Variants in CCHCR1 observed in about 807,000 individuals in gnomAD.
The protein encoded by CCHCR1 is coiled-coil alpha-helical rod protein 1.
A neutral mutation model predicts 114.6 loss-of-function variants in CCHCR1; 91 were observed. The ratio of observed to expected loss-of-function variants is 0.79; its 90% CI spans 0.67 to 0.94. The LOEUF is 0.94. Among genes scored for constraint, CCHCR1 ranks in the 40% least tolerant of loss-of-function variants. The probability of loss-of-function intolerance (pLI) is 0.00; values close to 1 mark genes in which losing one functional copy is unlikely to be tolerated. For synonymous variants in CCHCR1, 379 were observed against 428.5 expected, an observed-to-expected ratio of 0.88 and a Z score of 1.43; for missense variants, 899 against 1,079.9, an observed-to-expected ratio of 0.83 and a Z score of 2.35.
At position 31,157,692 on chromosome 6, in the gene CCHCR1, T is replaced by C. The variant is rs1776281202; in HGVS notation, c.-92A>G. The C allele has an allele frequency of 1.0e-6, 1 of 996,650 alleles. No individual in the cohort carries two copies. Among genetic ancestry groups the C allele is most frequent in the African/African-American group, 1.6e-5 (1 of 61,930 alleles). The allele number at this position is 996,650 out of a possible 1,614,324, so 61.7% of individuals were successfully genotyped here. A position where few individuals can be genotyped will look rare whatever the true frequency, so the allele number is the denominator to read the frequency against. Reference sequence around the variant, plus strand: ...GCGTCCTGACATCTTATTCAAATCTTTCCTGCGGCTGTTCTCTCAGCTTCT... The same window carrying C: ...GCGTCCTGACATCTTATTCAAATCTCTCCTGCGGCTGTTCTCTCAGCTTCT... On this transcript the variant is annotated 5_prime_UTR_variant, in exon 1 of 18. Transcript: ENST00000396268.
In CCHCR1 at chr6:31,144,566, C is replaced by T; in HGVS notation, c.2167+121G>A. On this transcript the variant is annotated intron_variant, in intron 15 of 17. Coordinates refer to ENST00000396268, the MANE Select transcript of CCHCR1 (RefSeq NM_001105564.2). The surrounding 1 kb of genome is among the most constrained non-coding windows in gnomAD (Gnocchi z 4.6). ...ATGTGATAATTCATCTGTGCTACTC[C>T]TGGATACCTTCATTACTTCCTGTAA... 2.9e-6 allele frequency: 2 copies of T among 689,976 alleles called. No individual in the cohort carries two copies. Among genetic ancestry groups the T allele is most frequent in the Non-Finnish European group, 5.1e-6 (2 of 392,866 alleles). The allele number at this position is 689,976 out of a possible 1,614,324, so 42.7% of individuals were successfully genotyped here.
In CCHCR1 at chr6:31,151,588, C is replaced by T. The variant is rs60365402; in HGVS notation, c.802-466G>A. Among the ~76,000 whole-genome samples, 4,331 of 152,290 alleles carry T rather than the reference C, an allele frequency of 0.028. 134 individuals carry two copies. Among genetic ancestry groups the T allele is most frequent in the East Asian group, 0.089 (458 of 5,172 alleles). On this transcript the variant is annotated intron_variant, in intron 4 of 17. Coordinates refer to ENST00000396268, the MANE Select transcript of CCHCR1 (RefSeq NM_001105564.2). This position sits in a 1 kb window ranked among gnomAD's most constrained non-coding sequence, Gnocchi z 4.1. ...AACCAGACAGCGGCCCCTCCTTGCTCCACAGACCCCAGGCGATAGCCCCTC... is the reference window on the plus strand; with the variant it reads ...AACCAGACAGCGGCCCCTCCTTGCTTCACAGACCCCAGGCGATAGCCCCTC...
chr6:31,157,290 CAACT>C lies in CCHCR1; in HGVS notation c.216+91_216+94del, dbSNP rs10602569. On this transcript the variant is annotated intron_variant, in intron 1 of 17. Transcript: ENST00000396268. ...AACCTGGTTCCTCATGGAACCCAAGCAACTATCAAGTGGAGAGAATTTACTGAAA... is the reference window on the plus strand; with the variant it reads ...AACCTGGTTCCTCATGGAACCCAAGCATCAAGTGGAGAGAATTTACTGAAA... 1.4e-3 allele frequency: 1,552 copies of C among 1,124,334 alleles called. 5 individuals carry two copies. Among genetic ancestry groups the C allele is most frequent in the Non-Finnish European group, 1.9e-3 (1,432 of 746,992 alleles). 69.6% of individuals were successfully genotyped at this position (1,124,334 alleles called of 1,614,324 possible). A position where few individuals can be genotyped will look rare whatever the true frequency, so the allele number is the denominator to read the frequency against.
chr6:31,157,842 A>C (rs1776319928), upstream of CCHCR1: 2 of 538,470 alleles, frequency 3.7e-6, no homozygotes, highest in Non-Finnish European at 6.4e-6. Context: ...TTTTACCCGA[A>C]TCTGGGATCC....
chr6:31,154,168 A>C lies in CCHCR1; in HGVS notation c.801+328T>G, dbSNP rs3094662. Among the ~76,000 whole-genome samples the C allele has an allele frequency of 0.17, 25,939 of 151,812 alleles. 2,420 individuals are homozygous for C. Among genetic ancestry groups the C allele is most frequent in the Middle Eastern group, 0.23 (67 of 294 alleles). On this transcript the variant is annotated intron_variant, in intron 4 of 17. Coordinates refer to ENST00000396268, the MANE Select transcript of CCHCR1 (RefSeq NM_001105564.2). This position sits in a 1 kb window ranked among gnomAD's most constrained non-coding sequence, Gnocchi z 4.1. ...AGTCCACCATAGCCCCCTTATACCC[A>C]CCTTCCTCACTGCCCTCCACAATAC...
chr6:31,154,356 G>C lies in CCHCR1; in HGVS notation c.801+140C>G. The C allele has an allele frequency of 1.4e-6, 1 of 692,562 alleles. No homozygotes were observed. 42.9% of individuals were successfully genotyped at this position (692,562 alleles called of 1,614,324 possible). ...AATTCTCCATCTTTCTAGGCCATGTGTGTTTATTTTCACCAAAGGTCTCAT... is the reference window on the plus strand; with the variant it reads ...AATTCTCCATCTTTCTAGGCCATGTCTGTTTATTTTCACCAAAGGTCTCAT... On this transcript the variant is annotated intron_variant, in intron 4 of 17. Coordinates refer to ENST00000396268, the MANE Select transcript of CCHCR1 (RefSeq NM_001105564.2). The surrounding 1 kb of genome is among the most constrained non-coding windows in gnomAD (Gnocchi z 4.1).
rs9263783 is a variant in CCHCR1 at position 31,155,792 on chromosome 6, C to A, written c.497+939G>T. Among the ~76,000 whole-genome samples the A allele has an allele frequency of 8.6e-5, 13 of 151,944 alleles. No individual in the cohort carries two copies. In the South Asian group the frequency reaches 2.5e-3, roughly 29 times the overall value. ...GACTATAAGAGATTGTTGTTGTTGT[C>A]GTTTTTAGAGACAGGGTATCACTGT... On this transcript the variant is annotated intron_variant, in intron 3 of 17. Coordinates refer to ENST00000396268, the MANE Select transcript of CCHCR1 (RefSeq NM_001105564.2).
intron 4 of CCHCR1, among the ~76,000 whole-genome samples, chr6:31,153,838 A>T (rs1775611513): frequency 6.6e-6 from 1 of 152,202 alleles, no homozygotes; most frequent in Non-Finnish European, 1.5e-5. Flanking sequence ...TCGGCCTCCC[A>T]AAATGCTGGG....
At chr6:31,157,208 T>C (rs1438031913) in intron 1 of CCHCR1, 119 bp from the exon 2 acceptor site, 19 of 1,036,210 alleles carry the variant, frequency 1.8e-5, no homozygotes, top group Non-Finnish European at 2.7e-5. Context: ...ACCCGATGCT[T>C]AGCTCTTTTC....
intron 10 of CCHCR1, among the ~76,000 whole-genome samples, chr6:31,146,911 G>A (rs967502987): frequency 3.3e-5 from 5 of 152,130 alleles, no homozygotes; most frequent in African/African-American, 7.2e-5. Flanking sequence ...GTTTAATTCC[G>A]TGCAAGTTTG....
chr6:31,154,920 G>C lies in CCHCR1; in HGVS notation c.498-121C>G, dbSNP rs1033486661. On this transcript the variant is annotated intron_variant, in intron 3 of 17. Transcript: ENST00000396268. This position sits in a 1 kb window ranked among gnomAD's most constrained non-coding sequence, Gnocchi z 4.1. Reference sequence around the variant, plus strand: ...TCTGCTTCCGTGTGGGGAGGTGAAGGGGGTGCTGAAGCTGGGGTATGGGGA... The same window carrying C: ...TCTGCTTCCGTGTGGGGAGGTGAAGCGGGTGCTGAAGCTGGGGTATGGGGA... 4.4e-6 allele frequency: 4 copies of C among 905,264 alleles called. No homozygotes were observed. In the African/African-American group the frequency reaches 6.7e-5, roughly 15 times the overall value. 56.1% of individuals were successfully genotyped at this position (905,264 alleles called of 1,614,324 possible).
At position 31,157,533 on chromosome 6, in the gene CCHCR1, A is replaced by T. The variant is rs796208725; in HGVS notation, c.68T>A (p.Met23Lys). The change falls in exon 1 of 18, where the codon ATG becomes AAG. Residue 23 changes from methionine (M) to lysine (K), a missense_variant. Met to Lys is a moderately conservative substitution (Grantham distance 95, BLOSUM62 -1). Transcript: ENST00000396268. ...STLTGKDPRV[M>K]ACWCLDGLPS... is the part of the protein sequence containing the mutation. ...AAGCCCATCCAGACACCAGCAGGCC[A>T]TGACTCTTGGGTCCTTCCCTGTTAA... 24 of 1,613,058 alleles carry T rather than the reference A, an allele frequency of 1.5e-5. No homozygotes were observed. The African/African-American group carries it at 2.0e-4, about 13-fold the overall frequency.
rs186727089 is a variant in CCHCR1 at position 31,152,442 on chromosome 6, G to A, written c.802-1320C>T. Reference sequence around the variant, plus strand: ...CAAACGCTGCCTCCCAGGTTCAAGCGATTCTCCTGCCTCACCCTCCTGAGT... The same window carrying A: ...CAAACGCTGCCTCCCAGGTTCAAGCAATTCTCCTGCCTCACCCTCCTGAGT... On this transcript the variant is annotated intron_variant, in intron 4 of 17. Coordinates refer to ENST00000396268, the MANE Select transcript of CCHCR1 (RefSeq NM_001105564.2). Among the ~76,000 whole-genome samples the A allele has an allele frequency of 6.5e-5, 9 of 139,312 alleles. No homozygotes were observed. The East Asian group carries it at 2.2e-3, about 34-fold the overall frequency. The allele number at this position is 139,312 out of a possible 152,430, so 91.4% of individuals were successfully genotyped here.
rs762390614 is a variant in CCHCR1, at chr6:31,144,736, TGA to T, written c.2116_2117del (p.Ser706ArgfsTer63). The T allele has an allele frequency of 2.5e-6, 4 of 1,613,890 alleles. No homozygotes were observed. Among genetic ancestry groups the T allele is most frequent in the Non-Finnish European group, 3.4e-6 (4 of 1,179,892 alleles). On this transcript the variant is annotated frameshift_variant, in exon 15 of 18. Coordinates refer to ENST00000396268, the MANE Select transcript of CCHCR1 (RefSeq NM_001105564.2). LOFTEE classifies it high-confidence loss of function. This position sits in a 1 kb window ranked among gnomAD's most constrained non-coding sequence, Gnocchi z 4.6. ...EVETRLREQL[S>X]DTERRLNEAR... is the part of the protein sequence containing the mutation. ...CCTCGTTCAGCCTCCTCTCTGTGTC[TGA>T]GAGTTGCTCCCGCAGCCGAGTTTCC... is the stretch of plus-strand genomic sequence containing the variant.
rs1487293642 is a variant in CCHCR1 at position 31,151,923 on chromosome 6, T to C, written c.802-801A>G. ...CTCTAGCCCTGTCTCCATACAACAA[T>C]AAAATTAATTTGGGGGACATAAATG... On this transcript the variant is annotated intron_variant, in intron 4 of 17. Transcript: ENST00000396268. The surrounding 1 kb of genome is among the most constrained non-coding windows in gnomAD (Gnocchi z 4.1). 2.0e-5 allele frequency among the ~76,000 whole-genome samples: 3 copies of C among 152,176 alleles called. No homozygotes were observed. In the East Asian group the frequency reaches 5.8e-4, roughly 29 times the overall value.
At chr6:31,157,910 C>T (rs1776330217), upstream of CCHCR1, 2 of 454,314 alleles carry the variant, frequency 4.4e-6, no homozygotes, top group African/African-American at 2.0e-5. Context: ...TTATTCTGGT[C>T]CTGACCCTCA....
At chr6:31,156,295 G>T (rs923087021) in intron 3 of CCHCR1, 16 of 169,080 alleles carry the variant, frequency 9.5e-5, no homozygotes, top group Admixed American at 6.4e-4. Context: ...AAAGACACAT[G>T]AAACAAGAAT....
Position 31,143,444 on chromosome 6 carries a change from GGT to G in CCHCR1, c.2168-33_2168-32del, listed in dbSNP as rs1581894439. On this transcript the variant is annotated intron_variant, in intron 15 of 17. Transcript: ENST00000396268. The surrounding 1 kb of genome is among the most constrained non-coding windows in gnomAD (Gnocchi z 5.3). ...GAGAGGCCAAGGCACAGAGGAGGCA[GGT>G]GTGAGTCAGGCCAGAGGCAGCCAGG... 1 of 1,608,894 alleles carries G rather than the reference GGT, an allele frequency of 6.2e-7. No homozygotes were observed. Among genetic ancestry groups the G allele is most frequent in the South Asian group, 1.1e-5 (1 of 90,906 alleles).
At position 31,142,508 on chromosome 6, in the gene CCHCR1, A is replaced by T; in HGVS notation, c.*84T>A. ...TGGTATCCCCCAGGGCAACCCCAGG[A>T]TGGGGAAGGGCTGGTCTGTCCCCAC... On this transcript the variant is annotated 3_prime_UTR_variant, in exon 18 of 18. Transcript: ENST00000396268. 1.5e-6 allele frequency: 2 copies of T among 1,352,738 alleles called. No homozygotes were observed. The highest frequency in any genetic ancestry group is 2.6e-5 in the South Asian group (2 of 77,684). The allele number at this position is 1,352,738 out of a possible 1,614,324, so 83.8% of individuals were successfully genotyped here. A position where few individuals can be genotyped will look rare whatever the true frequency, so the allele number is the denominator to read the frequency against.
Sources: allele counts gnomAD v4.1 joint callset (sites outside exome capture counted in the v4.1 genomes callset), GRCh38; gene constraint gnomAD v4.1.1; non-coding constraint Gnocchi (gnomAD v3.1); transcripts MANE v1.5; gene names NCBI Gene and HGNC (gene_info 2026-07-23, HGNC 2026-07-21).